The following RNF130 variants were observed in gnomAD, a reference collection of about 807,000 sequenced individuals.
The protein encoded by RNF130 is ring finger protein 130, also known as E3 ubiquitin-protein ligase RNF130.
A neutral mutation model predicts 44.6 loss-of-function variants in RNF130; 21 were observed. That is an observed-to-expected ratio of 0.47 (90% CI 0.33 to 0.68). RNF130 has a LOEUF of 0.68. RNF130 is among the 30% of genes least tolerant of loss of function. RNF130 has a pLI of 0.02. For synonymous variants in RNF130, 214 were observed against 210.4 expected, an observed-to-expected ratio of 1.02 and a Z score of -0.15; for missense variants, 479 against 560.6, an observed-to-expected ratio of 0.85 and a Z score of 1.47.
At chr5:179,981,283 G>A (rs985916563) in intron 3 of RNF130, among the ~76,000 whole-genome samples, 6 of 152,278 alleles carry the variant, frequency 3.9e-5, no homozygotes, top group Admixed American at 3.9e-4. Flanking sequence ...CAAAAACCGC[G>A]ACTGTCCCAG....
chr5:179,941,927 T>C (rs1006197251), intron 7 of RNF130, among the ~76,000 whole-genome samples: 2 of 152,124 alleles, frequency 1.3e-5, no homozygotes, highest in Non-Finnish European at 2.9e-5. Context: ...AAGTACATTC[T>C]GCAAGTCTCT....
At position 179,978,246 on chromosome 5, in the gene RNF130, C is replaced by T; in HGVS notation, c.805G>A (p.Glu269Lys). 6.2e-7 allele frequency: 1 copy of T among 1,614,082 alleles called. No homozygotes were observed. The highest frequency in any genetic ancestry group is 8.5e-7 in the Non-Finnish European group (1 of 1,179,926). Residue 269 changes from glutamate to lysine, a missense_variant, in exon 5 of 9, where the codon GAG becomes AAG. Coordinates refer to ENST00000521389, the MANE Select transcript of RNF130 (RefSeq NM_018434.6). Reference protein sequence around the residue: ...PDFDHCAVCIESYKQNDVVRI... With the variant: ...PDFDHCAVCIKSYKQNDVVRI... ...ACGACATCATTCTGCTTATAGCTCT[C>T]TATGCAGACTGCACAATGATCAAAG...
chr5:180,009,514 A>G (rs1274950641), intron 3 of RNF130, among the ~76,000 whole-genome samples: 2 of 152,204 alleles, frequency 1.3e-5, no homozygotes, highest in African/African-American at 4.8e-5. Context: ...GAGAAATGCA[A>G]ACTAAAACCA....
At chr5:179,961,890 T>A (rs759112319) in intron 8 of RNF130, among the ~76,000 whole-genome samples, 1 of 152,232 alleles carries the variant, frequency 6.6e-6, no homozygotes, top group African/African-American at 2.4e-5. Context: ...TGCAGTGGCA[T>A]TGGCTTGGCT....
At chr5:180,032,658 TTTCTAGA>T (rs1450349624) in intron 2 of RNF130, among the ~76,000 whole-genome samples, 7 of 152,238 alleles carry the variant, frequency 4.6e-5, no homozygotes, top group Non-Finnish European at 4.4e-5. Context: ...AAGATATTTA[TTTCTAGA>T]TTCTCAATTT....
intron 1 of RNF130, among the ~76,000 whole-genome samples, chr5:180,067,287 G>T (rs1015768746): frequency 6.6e-6 from 1 of 151,996 alleles, no homozygotes; most frequent in Non-Finnish European, 1.5e-5. Context: ...TTTTTTTAAA[G>T]CTATATAGCC....
At chr5:180,009,937 T>C (rs1763547707) in intron 3 of RNF130, among the ~76,000 whole-genome samples, 1 of 152,018 alleles carries the variant, frequency 6.6e-6, no homozygotes, top group Admixed American at 6.6e-5. Flanking sequence ...AATAAATGAC[T>C]GATACACATA....
intron 6 of RNF130, among the ~76,000 whole-genome samples, chr5:179,969,284 G>A (rs546169269): frequency 2.6e-5 from 4 of 152,058 alleles, no homozygotes; most frequent in South Asian, 2.1e-4. Flanking sequence ...CACGCCTGGC[G>A]ACAGCCCCTG....
chr5:179,976,389 G>T (rs1762716250), intron 5 of RNF130, among the ~76,000 whole-genome samples: 2 of 152,210 alleles, frequency 1.3e-5, no homozygotes, highest in Admixed American at 1.3e-4. Flanking sequence ...CAGCAAGACA[G>T]AATTTGGAGA....
intron 3 of RNF130, among the ~76,000 whole-genome samples, chr5:179,986,358 C>T (rs1423008448): frequency 3.9e-5 from 6 of 152,204 alleles, no homozygotes; most frequent in Non-Finnish European, 5.9e-5. Context: ...TTTCTTGTAA[C>T]GTCATGACTT....
intron 1 of RNF130, among the ~76,000 whole-genome samples, chr5:180,063,370 A>G (rs1765030023): frequency 6.6e-6 from 1 of 152,254 alleles, no homozygotes; most frequent in Admixed American, 6.5e-5. Context: ...GAGCCAAAGA[A>G]GCAAGGATGG....
chr5:180,043,969 T>C (rs1168911772), intron 1 of RNF130, among the ~76,000 whole-genome samples: 2 of 152,218 alleles, frequency 1.3e-5, no homozygotes, highest in Admixed American at 6.5e-5. Flanking sequence ...TCTACCTAGT[T>C]ATTCCCTCCT....
chr5:179,982,955 G>A (rs1442246048), intron 3 of RNF130, among the ~76,000 whole-genome samples: 1 of 152,126 alleles, frequency 6.6e-6, no homozygotes, highest in Non-Finnish European at 1.5e-5. Flanking sequence ...TATTGGCCAT[G>A]TGTACATTGT....
chr5:179,920,032 T>C, exon 8 of RNF130: 2 of 373,954 alleles, frequency 5.3e-6, no homozygotes, highest in South Asian at 5.0e-5. Context: ...ACATTAATCC[T>C]GGGCCCGGCC....
At chr5:179,970,375 T>C (rs777792917) in intron 6 of RNF130, 35 bp downstream of exon 6, 126 of 1,484,224 alleles carry the variant, frequency 8.5e-5, no homozygotes, top group Non-Finnish European at 1.1e-4. Context: ...TATAATAATA[T>C]ACAAAAGTGG....
chr5:179,972,200 A>AATGCTGGCTACTG (rs1458385845), intron 5 of RNF130, among the ~76,000 whole-genome samples: 1 of 152,120 alleles, frequency 6.6e-6, no homozygotes, highest in East Asian at 1.9e-4. Context: ...CAAGTGCACT[A>AATGCTGGCTACTG]ATGCTGGCTA....
intron 1 of RNF130, among the ~76,000 whole-genome samples, chr5:180,067,971 C>T (rs1765146748): frequency 6.6e-6 from 1 of 152,208 alleles, no homozygotes; most frequent in Non-Finnish European, 1.5e-5. Flanking sequence ...ACCTAAGATT[C>T]ACTTTTTTGA....
chr5:180,011,963 C>T (rs1237432188), intron 3 of RNF130, among the ~76,000 whole-genome samples: 2 of 152,100 alleles, frequency 1.3e-5, no homozygotes, highest in African/African-American at 4.8e-5. Context: ...GAGCCTGGCA[C>T]AGAAAGCTTC....
At chr5:179,922,016 G>A (rs1031865471) in intron 7 of RNF130, among the ~76,000 whole-genome samples, 5 of 151,588 alleles carry the variant, frequency 3.3e-5, no homozygotes, top group East Asian at 1.9e-4. Flanking sequence ...GTGAGACTCC[G>A]TCTGAAAAAA....
Sources: allele counts gnomAD v4.1 joint callset (sites outside exome capture counted in the v4.1 genomes callset), GRCh38; gene constraint gnomAD v4.1.1; transcripts MANE v1.5; gene names NCBI Gene and HGNC (gene_info 2026-07-23, HGNC 2026-07-21).